RASA1: variants seen among roughly 807,000 people sequenced by gnomAD.
RASA1 encodes the protein RAS p21 protein activator 1.
Under a neutral mutation model 132.2 loss-of-function variants are expected in RASA1, and 25 were observed. That is an observed-to-expected ratio of 0.19 (90% CI 0.14 to 0.26). The LOEUF (loss-of-function observed/expected upper bound fraction) is 0.26, where lower values mean the gene tolerates loss of function less well. RASA1 is among the 10% of genes least tolerant of loss of function. The pLI, the probability that RASA1 is intolerant of heterozygous loss-of-function variation, is 1.00. For missense variants in RASA1, 964 were observed against 1,299.2 expected (o/e 0.74, Z 3.97); for synonymous variants, 477 against 449.9 (o/e 1.06, Z -0.76).
At position 87,268,713 on chromosome 5, in the gene RASA1, G is replaced by C. The variant is rs369735817; in HGVS notation, c.262G>C (p.Gly88Arg). 4.3e-6 allele frequency: 7 copies of C among 1,612,370 alleles called. No individual in the cohort carries two copies. Among genetic ancestry groups the C allele is most frequent in the Non-Finnish European group, 5.9e-6 (7 of 1,179,378 alleles). The change falls in exon 1 of 25, where the codon GGG (glycine) becomes CGG (arginine). Residue 88 changes from glycine (G) to arginine (R), a missense_variant. Physicochemically the swap from Gly to Arg is moderately radical, Grantham distance 125 (BLOSUM62 -2). This residue lies in a region of RASA1 where 326 missense variants were observed against 275.8 expected (regional missense o/e 1.18). Transcript: ENST00000274376. ...GGCACTGGGGGGAGCTGGACTGACA[G>C]GGGGAGGTACTGCTGCTGGCGTAGC... is the stretch of plus-strand genomic sequence containing the variant. ...AGALGGAGLT[G>R]GGTAAGVAGA...
intron 1 of RASA1, among the ~76,000 whole-genome samples, chr5:87,297,823 C>T (rs1373934092): frequency 6.6e-6 from 1 of 152,168 alleles, no homozygotes; most frequent in African/African-American, 2.4e-5. Flanking sequence ...CTGGATCCTC[C>T]TGGAGTTTTT....
intron 1 of RASA1, among the ~76,000 whole-genome samples, chr5:87,271,651 T>A (rs1383123766): frequency 6.6e-6 from 1 of 151,526 alleles, no homozygotes; most frequent in Non-Finnish European, 1.5e-5. Flanking sequence ...CCTGGCTAAT[T>A]TTCATATTTT....
At chr5:87,326,245 A>G (rs976172409) in intron 1 of RASA1, among the ~76,000 whole-genome samples, 3 of 152,108 alleles carry the variant, frequency 2.0e-5, no homozygotes, top group Admixed American at 6.5e-5. Context: ...GCTGGTTTAT[A>G]AAGTTGGGAG....
intron 1 of RASA1, among the ~76,000 whole-genome samples, chr5:87,274,614 C>A (rs1753988611): frequency 6.6e-6 from 1 of 151,724 alleles, no homozygotes; most frequent in African/African-American, 2.4e-5. Context: ...AGTATTAGAT[C>A]TAGTAGGAAA....
At chr5:87,294,033 T>C (rs1755014525) in intron 1 of RASA1, among the ~76,000 whole-genome samples, 1 of 152,170 alleles carries the variant, frequency 6.6e-6, no homozygotes, top group African/African-American at 2.4e-5. Context: ...TTGGGTTTGT[T>C]AATTTACTCT....
In RASA1 at chr5:87,389,515, T is replaced by C; in HGVS notation, c.3048T>C (p.Arg1016=). The change falls in exon 24 of 25, where the codon CGT becomes CGC. Residue 1016 remains arginine (R), a synonymous_variant. Transcript: ENST00000274376. The part of the protein sequence containing the change: ...SDELRTLSNE[R]GAQQHVLKKL... ...AACTTCGAACGCTCAGTAATGAGCG[T>C]GGTGCACAGCAGGTAGGCTTTCGCC... 1 of 1,614,010 alleles carries C rather than the reference T, an allele frequency of 6.2e-7. No homozygotes were observed. The highest frequency in any genetic ancestry group is 8.5e-7 in the Non-Finnish European group (1 of 1,179,922).
chr5:87,297,122 C>T (rs1755155587), intron 1 of RASA1, among the ~76,000 whole-genome samples: 1 of 152,052 alleles, frequency 6.6e-6, no homozygotes, highest in African/African-American at 2.4e-5. Flanking sequence ...TCTTTTTATC[C>T]TTTCTTAGAA....
intron 1 of RASA1, among the ~76,000 whole-genome samples, chr5:87,302,591 G>C (rs965331922): frequency 1.3e-4 from 20 of 150,310 alleles, no homozygotes; most frequent in African/African-American, 4.9e-4. Flanking sequence ...ATATACTATA[G>C]TATACTATAC....
intron 1 of RASA1, chr5:87,318,617 A>G (rs775875135): frequency 6.6e-6 from 1 of 152,204 alleles, no homozygotes; most frequent in Non-Finnish European, 1.5e-5. Context: ...AGAACTCACT[A>G]TCACGAGAGC....
intron 1 of RASA1, among the ~76,000 whole-genome samples, chr5:87,286,953 A>T (rs926598578): frequency 6.8e-6 from 1 of 148,002 alleles, no homozygotes; most frequent in Admixed American, 6.7e-5. Context: ...CCATATATAT[A>T]CATACCATAT....
chr5:87,275,246 C>T (rs1754013619), intron 1 of RASA1, among the ~76,000 whole-genome samples: 1 of 152,194 alleles, frequency 6.6e-6, no homozygotes, highest in Non-Finnish European at 1.5e-5. Context: ...ATGGTTACCA[C>T]TGACATTTTT....
chr5:87,321,182 T>C (rs1756773478), intron 1 of RASA1, among the ~76,000 whole-genome samples: 1 of 152,182 alleles, frequency 6.6e-6, no homozygotes, highest in South Asian at 2.1e-4. Context: ...GTATACAAGT[T>C]GGCAGTAGTT....
At chr5:87,340,925 T>C (rs950208024) in intron 5 of RASA1, among the ~76,000 whole-genome samples, 1 of 152,102 alleles carries the variant, frequency 6.6e-6, no homozygotes, top group South Asian at 2.1e-4. Context: ...ACGACTTCAG[T>C]TGCAGAATGA....
Position 87,386,841 on chromosome 5 carries a change from G to A in RASA1, c.2863G>A (p.Gly955Ser). Reference sequence around the variant, plus strand: ...TATTTTTCAGGAGCCCTACATGGAAGGTGTCAATCCATTCATCAAAAGCAA... The same window carrying A: ...TATTTTTCAGGAGCCCTACATGGAAAGTGTCAATCCATTCATCAAAAGCAA... ...EFGAKEPYME[G>S]VNPFIKSNKH... Residue 955 changes from glycine (G) to serine (S), a missense_variant, in exon 23 of 25, where the codon GGT becomes AGT. Physicochemically the swap from Gly to Ser is moderately conservative, Grantham distance 56 (BLOSUM62 0). Transcript: ENST00000274376. The A allele has an allele frequency of 6.2e-7, 1 of 1,612,784 alleles. No homozygotes were observed. Among genetic ancestry groups the A allele is most frequent in the Non-Finnish European group, 8.5e-7 (1 of 1,179,172 alleles).
chr5:87,307,278 T>A (rs903568300), intron 1 of RASA1, among the ~76,000 whole-genome samples: 1 of 152,208 alleles, frequency 6.6e-6, no homozygotes, highest in Non-Finnish European at 1.5e-5. Context: ...GTATTTTCTG[T>A]CCTTGTTTTC....
At chr5:87,279,644 C>T (rs1180135032) in intron 1 of RASA1, among the ~76,000 whole-genome samples, 2 of 152,180 alleles carry the variant, frequency 1.3e-5, no homozygotes, top group Non-Finnish European at 2.9e-5. Flanking sequence ...GATCCGGTTT[C>T]TCTGTGTCTT....
chr5:87,294,126 C>T (rs931032358), intron 1 of RASA1: 2 of 151,862 alleles, frequency 1.3e-5, no homozygotes, highest in Non-Finnish European at 2.9e-5. Flanking sequence ...AGTTAATTTG[C>T]TTTTCTTTCT....
At chr5:87,280,023 C>G (rs1048210831) in intron 1 of RASA1, among the ~76,000 whole-genome samples, 1 of 152,212 alleles carries the variant, frequency 6.6e-6, no homozygotes, top group Non-Finnish European at 1.5e-5. Flanking sequence ...AGTTTGATGC[C>G]TGAGGGCAAA....
chr5:87,311,540 G>A (rs1215848229), intron 1 of RASA1, among the ~76,000 whole-genome samples: 1 of 152,166 alleles, frequency 6.6e-6, no homozygotes, highest in Non-Finnish European at 1.5e-5. Flanking sequence ...TGAAAAAGGT[G>A]CATAGGGCAG....
Sources: gnomAD v4.1 joint callset for allele counts (sites outside exome capture counted in the v4.1 genomes callset) on GRCh38, gnomAD v4.1.1 for gene constraint, gnomAD v4.1.1 regional missense constraint, MANE v1.5 for transcripts, NCBI Gene and HGNC (gene_info 2026-07-23, HGNC 2026-07-21) for gene names.